The following MYOT variants were observed in gnomAD, a reference collection of about 807,000 sequenced individuals.
MYOT encodes myotilin, also known as 57 kDa cytoskeletal protein.
In MYOT, 36 loss-of-function variants were observed where a neutral mutation model predicts 58.0. The ratio of observed to expected loss-of-function variants is 0.62; its 90% CI spans 0.48 to 0.82. The LOEUF (loss-of-function observed/expected upper bound fraction) is 0.82. Among genes scored for constraint, MYOT ranks in the 40% least tolerant of loss-of-function variants. The pLI is 0.00. For synonymous variants in MYOT, 218 were observed against 204.6 expected, an observed-to-expected ratio of 1.07 and a Z score of -0.56; for missense variants, 505 against 592.1, an observed-to-expected ratio of 0.85 and a Z score of 1.53.
intron 3 of MYOT, 198 bp downstream of exon 3, chr5:137,876,201 C>A: frequency 1.7e-6 from 1 of 590,438 alleles, no homozygotes; most frequent in African/African-American, 1.9e-5. Flanking sequence ...AAGAATGAAG[C>A]AAATGAAAAA....
chr5:137,870,650 G>C lies in MYOT; in HGVS notation c.-2G>C. 1 of 1,612,788 alleles carries C rather than the reference G, an allele frequency of 6.2e-7. No individual in the cohort carries two copies. Among genetic ancestry groups the C allele is most frequent in the African/African-American group, 1.3e-5 (1 of 74,988 alleles). On this transcript the variant is annotated 5_prime_UTR_variant, in exon 2 of 10. Coordinates refer to ENST00000239926, the MANE Select transcript of MYOT (RefSeq NM_006790.3). ...CCTTCATCTTCCATATACCAACTAAGCATGTTTAACTACGAACGTCCAAAA... is the reference window on the plus strand; with the variant it reads ...CCTTCATCTTCCATATACCAACTAACCATGTTTAACTACGAACGTCCAAAA...
intron 2 of MYOT, among the ~76,000 whole-genome samples, chr5:137,872,238 T>A (rs1580849187): frequency 6.6e-6 from 1 of 152,136 alleles, no homozygotes; most frequent in East Asian, 1.9e-4. Context: ...TTTTAATAAT[T>A]GAGAGCCCTT....
At position 137,886,253 on chromosome 5, in the gene MYOT, G is replaced by A. The variant is rs752108650; in HGVS notation, c.1190+40G>A. 24 of 1,498,398 alleles carry A rather than the reference G, an allele frequency of 1.6e-5. No homozygotes were observed. The South Asian group carries it at 1.7e-4, about 10-fold the overall frequency. The allele number at this position is 1,498,398 out of a possible 1,614,324, so 92.8% of individuals were successfully genotyped here. A position where few individuals can be genotyped will look rare whatever the true frequency, so the allele number is the denominator to read the frequency against. On this transcript the variant is annotated intron_variant, in intron 8 of 9. Transcript: ENST00000239926. ...TCTAGACTTACTATAGTTTATTTGGGTGAATCCAGTTATACTTTTTAACAT... is the reference window on the plus strand; with the variant it reads ...TCTAGACTTACTATAGTTTATTTGGATGAATCCAGTTATACTTTTTAACAT...
At chr5:137,877,691 C>G (rs1755277640) in intron 4 of MYOT, 70 bp downstream of exon 4, 1 of 1,098,966 alleles carries the variant, frequency 9.1e-7, no homozygotes, top group Non-Finnish European at 1.4e-6. Context: ...TTTCTAAATG[C>G]TTATAAATAG....
intron 1 of MYOT, among the ~76,000 whole-genome samples, chr5:137,869,177 AATG>A (rs1421526528): frequency 6.6e-6 from 1 of 152,212 alleles, no homozygotes; most frequent in Admixed American, 6.5e-5. Flanking sequence ...ACTTCGTTTC[AATG>A]ATGACAAACA....
chr5:137,870,611 A>G lies in MYOT; in HGVS notation c.-41A>G. The G allele has an allele frequency of 3.2e-6, 5 of 1,544,224 alleles. No homozygotes were observed. Among genetic ancestry groups the G allele is most frequent in the Non-Finnish European group, 3.6e-6 (4 of 1,116,488 alleles). ...CCCACCCTTCCAGGAACAAATCATTATAGTAATAATTTGCCTTCATCTTCC... is the reference window on the plus strand; with the variant it reads ...CCCACCCTTCCAGGAACAAATCATTGTAGTAATAATTTGCCTTCATCTTCC... On this transcript the variant is annotated 5_prime_UTR_variant, in exon 2 of 10. Transcript: ENST00000239926.
intron 2 of MYOT, among the ~76,000 whole-genome samples, chr5:137,873,837 T>C (rs1180450458): frequency 6.6e-6 from 1 of 152,232 alleles, no homozygotes; most frequent in Non-Finnish European, 1.5e-5. Context: ...CAACTGATAG[T>C]ATCTCCTATA....
At position 137,870,931 on chromosome 5, in the gene MYOT, G is replaced by A. The variant is rs767970351; in HGVS notation, c.280G>A (p.Ala94Thr). The A allele has an allele frequency of 1.1e-5, 18 of 1,614,180 alleles. No individual in the cohort carries two copies. The highest frequency in any genetic ancestry group is 1.5e-5 in the Non-Finnish European group (18 of 1,180,044). The change falls in exon 2 of 10, where the codon GCC becomes ACC. Residue 94 changes from alanine (A) to threonine (T), a missense_variant. Ala to Thr is a moderately conservative substitution (Grantham distance 58). Coordinates refer to ENST00000239926, the MANE Select transcript of MYOT (RefSeq NM_006790.3). Reference protein sequence around the residue: ...RVTTTYNQSPASFLSSILPSQ... With the variant: ...RVTTTYNQSPTSFLSSILPSQ... ...TACAACCACCTATAACCAGTCCCCA[G>A]CCAGCTTCCTCAGCTCCATATTACC...
intron 7 of MYOT, among the ~76,000 whole-genome samples, chr5:137,883,852 A>G (rs1027354003): frequency 6.6e-6 from 1 of 152,220 alleles, no homozygotes; most frequent in African/African-American, 2.4e-5. Context: ...TGGAAAGAAA[A>G]TAAATCATAC....
At chr5:137,880,644 A>G (rs929309062) in intron 4 of MYOT, 172 bp from the exon 5 acceptor site, 8 of 568,526 alleles carry the variant, frequency 1.4e-5, no homozygotes, top group Non-Finnish European at 2.6e-5. Flanking sequence ...CTAGAGTGGT[A>G]GTATGTTAGT....
At chr5:137,868,610 T>C (rs1268414842) in intron 1 of MYOT, among the ~76,000 whole-genome samples, 1 of 152,188 alleles carries the variant, frequency 6.6e-6, no homozygotes, top group African/African-American at 2.4e-5. Context: ...ACAGTTGCCA[T>C]TCTGAAAATA....
In MYOT at chr5:137,887,209, T is replaced by A. The variant is rs544136408; in HGVS notation, c.1325-4T>A. 2.6e-5 allele frequency: 42 copies of A among 1,614,080 alleles called. No individual in the cohort carries two copies. In the East Asian group the frequency reaches 8.7e-4, roughly 33 times the overall value. ...TGAATCAACTTTTATGTGATCTATTTCAGCACGTCCAAACCAAACTCTTCC... is the reference window on the plus strand; with the variant it reads ...TGAATCAACTTTTATGTGATCTATTACAGCACGTCCAAACCAAACTCTTCC... On this transcript the variant is annotated splice_region_variant and splice_polypyrimidine_tract_variant and intron_variant, in intron 9 of 9. Transcript: ENST00000239926.
At position 137,877,637 on chromosome 5, in the gene MYOT, C is replaced by CCACT; in HGVS notation, c.633+16_633+17insCACT. On this transcript the variant is annotated intron_variant, in intron 4 of 9. Coordinates refer to ENST00000239926, the MANE Select transcript of MYOT (RefSeq NM_006790.3). ...AGACTCGCAGGTAAGTTAAAATGCTCTAAGTGGAGTATTTTTATTCTGTGC... is the reference window on the plus strand; with the variant it reads ...AGACTCGCAGGTAAGTTAAAATGCTCCACTTAAGTGGAGTATTTTTATTCTGTGC... 1 of 1,521,588 alleles carries CCACT rather than the reference C, an allele frequency of 6.6e-7. No homozygotes were observed. Among genetic ancestry groups the CCACT allele is most frequent in the Non-Finnish European group, 9.1e-7 (1 of 1,095,732 alleles). 94.3% of individuals were successfully genotyped at this position (1,521,588 alleles called of 1,614,324 possible).
At chr5:137,868,884 C>T (rs1179152781) in intron 1 of MYOT, among the ~76,000 whole-genome samples, 1 of 152,110 alleles carries the variant, frequency 6.6e-6, no homozygotes, top group Admixed American at 6.6e-5. Context: ...TAAAGTAGTT[C>T]ATTTCTAAAA....
At position 137,887,443 on chromosome 5, in the gene MYOT, A is replaced by T. The variant is rs1561666732; in HGVS notation, c.*58A>T. 1 of 1,557,822 alleles carries T rather than the reference A, an allele frequency of 6.4e-7. No individual in the cohort carries two copies. Among genetic ancestry groups the T allele is most frequent in the African/African-American group, 1.4e-5 (1 of 73,400 alleles). On this transcript the variant is annotated 3_prime_UTR_variant, in exon 10 of 10. Coordinates refer to ENST00000239926, the MANE Select transcript of MYOT (RefSeq NM_006790.3). ...CACCATTAGTAATATATTTGATTAC[A>T]TTTTTTTGAAATTAATCCATAGCTG... is the stretch of plus-strand genomic sequence containing the variant.
At chr5:137,886,290 G>A in intron 8 of MYOT, 77 bp downstream of exon 8, 5 of 1,030,350 alleles carry the variant, frequency 4.9e-6, no homozygotes, top group Admixed American at 3.8e-5. Context: ...CATTATAAAT[G>A]GCATGCATTT....
chr5:137,886,732 T>A, intron 8 of MYOT, 132 bp from the exon 9 acceptor site: 1 of 734,616 alleles, frequency 1.4e-6, no homozygotes, highest in Non-Finnish European at 2.4e-6. Context: ...AACCAATAGC[T>A]ATTTGGCAAT....
intron 2 of MYOT, among the ~76,000 whole-genome samples, chr5:137,874,061 A>G (rs549285371): frequency 6.6e-6 from 1 of 152,360 alleles, no homozygotes; most frequent in South Asian, 2.1e-4. Context: ...CATTTCAGAG[A>G]AGAGACCAAG....
chr5:137,873,670 A>C (rs929498301), intron 2 of MYOT, among the ~76,000 whole-genome samples: 3 of 152,230 alleles, frequency 2.0e-5, no homozygotes, highest in African/African-American at 7.2e-5. Flanking sequence ...CGCTATTTTA[A>C]AAAACATTTT....
Sources: gnomAD v4.1 joint callset for allele counts (sites outside exome capture counted in the v4.1 genomes callset) on GRCh38, gnomAD v4.1.1 for gene constraint, MANE v1.5 for transcripts, NCBI Gene and HGNC (gene_info 2026-07-23, HGNC 2026-07-21) for gene names.